OR11A1: variants seen among roughly 807,000 people sequenced by gnomAD.
OR11A1 encodes the protein olfactory receptor 11A1.
For missense variants in OR11A1, 380 were observed against 378.2 expected (o/e 1.00, Z -0.04); for synonymous variants, 158 against 152.2 (o/e 1.04, Z -0.28).
Position 29,426,956 on chromosome 6 carries a change from A to G in OR11A1, c.686T>C (p.Val229Ala). 1.2e-6 allele frequency: 2 copies of G among 1,613,002 alleles called. No individual in the cohort carries two copies. The highest frequency in any genetic ancestry group is 1.7e-6 in the Non-Finnish European group (2 of 1,180,024). The change falls in exon 5 of 5, where the codon GTT becomes GCT. Residue 229 changes from valine (V) to alanine (A), a missense_variant. Coordinates refer to ENST00000377149, the MANE Select transcript of OR11A1 (RefSeq NM_001394828.1). Reference sequence around the variant, plus strand: ...CCTTCTCCTGCTTGCCCCAGCAGGAACTCTCAGCACTGCCACCACAATTCT... The same window carrying G: ...CCTTCTCCTGCTTGCCCCAGCAGGAGCTCTCAGCACTGCCACCACAATTCT... ...YARIVVAVLRVPAGASRRRAF... is the reference protein window; with the variant it reads ...YARIVVAVLRAPAGASRRRAF...
Position 29,431,859 on chromosome 6 carries a change from C to G in OR11A1, c.-265+5G>C, listed in dbSNP as rs180978112. The G allele has an allele frequency of 4.1e-4, 405 of 985,270 alleles. 1 individual carries two copies. The African/African-American group carries it at 5.4e-3, about 13-fold the overall frequency. 61.0% of individuals were successfully genotyped at this position (985,270 alleles called of 1,614,324 possible). A position where few individuals can be genotyped will look rare whatever the true frequency, so the allele number is the denominator to read the frequency against. ...CTGTAAAGAATTTTACAAAAATAAA[C>G]GTACCCGAAATATCGACCCTGTTCT... is the stretch of plus-strand genomic sequence containing the variant. On this transcript the variant is annotated splice_donor_5th_base_variant and intron_variant, in intron 2 of 4. Transcript: ENST00000377149.
intron 1 of OR11A1, among the ~76,000 whole-genome samples, chr6:29,445,825 C>T (rs1561810210): frequency 6.6e-6 from 1 of 152,206 alleles, no homozygotes; most frequent in African/African-American, 2.4e-5. Context: ...CTCTGCCTCT[C>T]TAGGTTGTGT....
At chr6:29,431,768 G>A (rs1268339022) in intron 2 of OR11A1, 96 bp downstream of exon 2, 11 of 643,722 alleles carry the variant, frequency 1.7e-5, no homozygotes, top group Non-Finnish European at 2.1e-5. Context: ...AAAGTTGCTA[G>A]TGATTACAGG....
intron 1 of OR11A1, among the ~76,000 whole-genome samples, chr6:29,448,318 C>T (rs1287200196): frequency 5.9e-5 from 9 of 152,136 alleles, no homozygotes; most frequent in African/African-American, 1.7e-4. Flanking sequence ...CCCAGCCACA[C>T]GACCCTTTCT....
intron 1 of OR11A1, among the ~76,000 whole-genome samples, chr6:29,443,201 A>AGTGATACTC (rs1784382772): frequency 6.6e-6 from 1 of 152,180 alleles, no homozygotes; most frequent in African/African-American, 2.4e-5. Context: ...ATGCACCATG[A>AGTGATACTC]CATTATAGGC....
In OR11A1 at chr6:29,431,997, C is replaced by T. The variant is rs1343611538; in HGVS notation, c.-388-10G>A. 8.1e-6 allele frequency: 8 copies of T among 985,218 alleles called. No individual in the cohort carries two copies. Among genetic ancestry groups the T allele is most frequent in the African/African-American group, 7.0e-5 (4 of 57,194 alleles). The allele number at this position is 985,218 out of a possible 1,614,324, so 61.0% of individuals were successfully genotyped here. On this transcript the variant is annotated splice_polypyrimidine_tract_variant and intron_variant, in intron 1 of 4. Transcript: ENST00000377149. ...CCTGCTTGAGCTCAACCTGAAGTAACGTAGAACATTGATTACAAATGTCAC... is the reference window on the plus strand; with the variant it reads ...CCTGCTTGAGCTCAACCTGAAGTAATGTAGAACATTGATTACAAATGTCAC...
rs528389833 is a variant in OR11A1, at chr6:29,426,741, C to G, written c.901G>C (p.Ala301Pro). Reference protein sequence around the residue: ...YTMRNKEVHQALRKILCIKQT... With the variant: ...YTMRNKEVHQPLRKILCIKQT... Reference sequence around the variant, plus strand: ...TTGATACAGAGAATCTTCCGAAGTGCCTGATGCACCTCCTTGTTCCTCATG... The same window carrying G: ...TTGATACAGAGAATCTTCCGAAGTGGCTGATGCACCTCCTTGTTCCTCATG... Residue 301 changes from alanine (A) to proline (P), a missense_variant, in exon 5 of 5, where the codon GCA (alanine) becomes CCA (proline). Transcript: ENST00000377149. 1.2e-6 allele frequency: 2 copies of G among 1,612,718 alleles called. No individual in the cohort carries two copies. Among genetic ancestry groups the G allele is most frequent in the East Asian group, 4.5e-5 (2 of 44,876 alleles).
intron 1 of OR11A1, chr6:29,439,986 T>C: frequency 1.9e-6 from 3 of 1,569,944 alleles, no homozygotes; most frequent in Non-Finnish European, 2.6e-6. Flanking sequence ...GCCATTTCTT[T>C]TGTCTTCCAG....
At chr6:29,437,666 A>G (rs780691044) in intron 1 of OR11A1, among the ~76,000 whole-genome samples, 3 of 152,230 alleles carry the variant, frequency 2.0e-5, no homozygotes, top group Non-Finnish European at 4.4e-5. Flanking sequence ...TGTCTATAGA[A>G]TATGCCACAA....
intron 1 of OR11A1, among the ~76,000 whole-genome samples, chr6:29,443,124 A>G (rs1784371071): frequency 6.6e-6 from 1 of 152,198 alleles, no homozygotes; most frequent in Non-Finnish European, 1.5e-5. Flanking sequence ...AGTTTTATGG[A>G]AGTACAATTG....
intron 4 of OR11A1, chr6:29,428,478 G>T: frequency 1.2e-6 from 1 of 845,110 alleles, no homozygotes; most frequent in African/African-American, 1.8e-5. Context: ...CCAGGAGGCC[G>T]GGCTTGGTGG....
intron 1 of OR11A1, among the ~76,000 whole-genome samples, chr6:29,432,486 A>G (rs369757976): frequency 1.3e-5 from 2 of 152,114 alleles, no homozygotes; most frequent in East Asian, 3.9e-4. Context: ...TCATTCTCCA[A>G]TCTACAGCCT....
intron 1 of OR11A1, among the ~76,000 whole-genome samples, chr6:29,443,823 T>C (rs893563684): frequency 1.3e-5 from 2 of 152,214 alleles, no homozygotes; most frequent in Non-Finnish European, 1.5e-5. Context: ...TTTTGAGATA[T>C]CTAGTTTCTG....
At chr6:29,432,658 G>A (rs1202534825) in intron 1 of OR11A1, among the ~76,000 whole-genome samples, 8 of 152,262 alleles carry the variant, frequency 5.3e-5, no homozygotes, top group East Asian at 3.9e-4. Context: ...GTTATGTAGC[G>A]TTTCAATATC....
In OR11A1 at chr6:29,427,087, G is replaced by A. The variant is rs1232527536; in HGVS notation, c.555C>T (p.Phe185=). 6.8e-6 allele frequency: 11 copies of A among 1,612,452 alleles called. No individual in the cohort carries two copies. The highest frequency in any genetic ancestry group is 6.7e-5 in the African/African-American group (5 of 74,926). The change falls in exon 5 of 5, where the codon TTC becomes TTT. Residue 185 remains phenylalanine, a synonymous_variant. Coordinates refer to ENST00000377149, the MANE Select transcript of OR11A1 (RefSeq NM_001394828.1). ...IDQFYCDFML[F]VGLACSDPRV... ...TGGGATCCGAGCAAGCCAGGCCCAC[G>A]AAAAGCATAAAGTCACAGTAAAACT...
rs746875833 is a variant in OR11A1, at chr6:29,427,415, G to T, written c.227C>A (p.Thr76Asn). 2 of 1,613,152 alleles carry T rather than the reference G, an allele frequency of 1.2e-6. No homozygotes were observed. Among genetic ancestry groups the T allele is most frequent in the African/African-American group, 1.3e-5 (1 of 75,072 alleles). ...CAGCATTTTTGGCATCACTGCGGAG[G>T]TGTAGAGAATATCCAGGAAGGACAG... ...ANLSFLDILYTSAVMPKMLEG... is the reference protein window; with the variant it reads ...ANLSFLDILYNSAVMPKMLEG... The change falls in exon 5 of 5, where the codon ACC (threonine) becomes AAC (asparagine). Residue 76 changes from threonine to asparagine, a missense_variant. By Grantham distance (65) the Thr-to-Asn change is moderately conservative. Coordinates refer to ENST00000377149, the MANE Select transcript of OR11A1 (RefSeq NM_001394828.1).
intron 1 of OR11A1, among the ~76,000 whole-genome samples, chr6:29,434,951 C>A (rs1783518585): frequency 6.6e-6 from 1 of 152,190 alleles, no homozygotes; most frequent in Non-Finnish European, 1.5e-5. Flanking sequence ...ATGAAATATA[C>A]CCTTGGCCAC....
At chr6:29,445,774 A>G (rs1784700576) in intron 1 of OR11A1, among the ~76,000 whole-genome samples, 2 of 152,238 alleles carry the variant, frequency 1.3e-5, no homozygotes, top group Non-Finnish European at 2.9e-5. Flanking sequence ...GCTGTGGCTC[A>G]GTCCTGGAAA....
chr6:29,454,370 A>G (rs1245046667), intron 1 of OR11A1, among the ~76,000 whole-genome samples: 1 of 152,188 alleles, frequency 6.6e-6, no homozygotes, highest in African/African-American at 2.4e-5. Flanking sequence ...AAAAAAAGGC[A>G]TGAAAGGATG....
Sources: gnomAD v4.1 joint callset for allele counts (sites outside exome capture counted in the v4.1 genomes callset) on GRCh38, gnomAD v4.1.1 for gene constraint, MANE v1.5 for transcripts, NCBI Gene and HGNC (gene_info 2026-07-23, HGNC 2026-07-21) for gene names.